Variants in NTM observed in about 807,000 individuals in gnomAD.
NTM encodes the protein neurotrimin.
Under a neutral mutation model 42.1 loss-of-function variants are expected in NTM, and 13 were observed. The observed-to-expected ratio is 0.31, with a 90% CI of 0.20 to 0.49. NTM has a LOEUF of 0.49. Among genes scored for constraint, NTM ranks in the 20% least tolerant of loss-of-function variants. NTM has a pLI of 0.99. For synonymous variants in NTM, 187 were observed against 179.2 expected (o/e 1.04, Z -0.35); for missense variants, 373 against 452.8 (o/e 0.82, Z 1.60).
chr11:132,024,620 A>G (rs151173131), intron 2 of NTM, among the ~76,000 whole-genome samples: 7 of 152,258 alleles, frequency 4.6e-5, no homozygotes, highest in African/African-American at 1.7e-4. Context: ...TATAGGGCAA[A>G]TGTGGGACTG....
At chr11:132,228,267 TC>T (rs1313928476) in intron 4 of NTM, among the ~76,000 whole-genome samples, 1 of 152,130 alleles carries the variant, frequency 6.6e-6, no homozygotes, top group African/African-American at 2.4e-5. Context: ...TCTGTGAACA[TC>T]CCTGCTGCCT....
chr11:132,331,835 G>A (rs941647068), intron 8 of NTM, among the ~76,000 whole-genome samples: 7 of 152,162 alleles, frequency 4.6e-5, no homozygotes, highest in Admixed American at 6.5e-5. Context: ...GACATATTTC[G>A]GACGGAGGGG....
chr11:131,743,225 G>T (rs1479064734), intron 1 of NTM, among the ~76,000 whole-genome samples: 2 of 147,760 alleles, frequency 1.4e-5, no homozygotes, highest in East Asian at 2.0e-4. Flanking sequence ...ACTGGTTATT[G>T]TTAATGGTTT....
intron 1 of NTM, chr11:131,910,921 C>T: frequency 2.0e-6 from 2 of 987,202 alleles, no homozygotes; most frequent in Non-Finnish European, 1.2e-6. Flanking sequence ...CTCCTCCGCG[C>T]GCCACCCCTG....
chr11:131,644,756 A>C (rs1251052981), intron 1 of NTM, among the ~76,000 whole-genome samples: 1 of 145,636 alleles, frequency 6.9e-6, no homozygotes, highest in Non-Finnish European at 1.5e-5. Flanking sequence ...ATTGAAAGAT[A>C]CATTTTTTTT....
chr11:132,269,845 C>T (rs1285781302), intron 4 of NTM, among the ~76,000 whole-genome samples: 1 of 152,208 alleles, frequency 6.6e-6, no homozygotes, highest in African/African-American at 2.4e-5. Flanking sequence ...TTTACTTCAT[C>T]AAGTGATTTG....
At chr11:132,053,351 G>A (rs556616119) in intron 2 of NTM, among the ~76,000 whole-genome samples, 1 of 152,306 alleles carries the variant, frequency 6.6e-6, no homozygotes, top group African/African-American at 2.4e-5. Context: ...GGACTTGTGA[G>A]GTCACCCATA....
At chr11:132,308,786 T>A (rs1043385508) in intron 5 of NTM, among the ~76,000 whole-genome samples, 2 of 152,210 alleles carry the variant, frequency 1.3e-5, no homozygotes, top group African/African-American at 2.4e-5. Context: ...GCTGTCATTT[T>A]AAAAATCATA....
At chr11:131,698,301 C>T (rs2075698250) in intron 1 of NTM, among the ~76,000 whole-genome samples, 1 of 152,172 alleles carries the variant, frequency 6.6e-6, no homozygotes, top group South Asian at 2.1e-4. Context: ...CCAGTGCTCA[C>T]ACACTCACTA....
chr11:131,440,586 G>C (rs570990925), intron 1 of NTM, among the ~76,000 whole-genome samples: 1 of 152,036 alleles, frequency 6.6e-6, no homozygotes, highest in South Asian at 2.1e-4. Flanking sequence ...TGTAGGTCTT[G>C]GATGGCCCCT....
chr11:132,145,862 C>T (rs1182064993), intron 2 of NTM, among the ~76,000 whole-genome samples: 2 of 152,092 alleles, frequency 1.3e-5, no homozygotes, highest in Non-Finnish European at 2.9e-5. Context: ...AGGCTTTTTC[C>T]AATAAAAGAT....
chr11:131,515,824 A>T (rs992074020), intron 1 of NTM, among the ~76,000 whole-genome samples: 1 of 152,174 alleles, frequency 6.6e-6, no homozygotes, highest in African/African-American at 2.4e-5. Context: ...CTTCCTGTGG[A>T]TGCCCAGCCT....
At chr11:131,999,879 T>A (rs1318922451) in intron 2 of NTM, among the ~76,000 whole-genome samples, 2 of 152,214 alleles carry the variant, frequency 1.3e-5, no homozygotes, top group East Asian at 1.9e-4. Context: ...GCTTTATACA[T>A]CTCTGGCTAT....
intron 1 of NTM, among the ~76,000 whole-genome samples, chr11:131,644,825 T>C (rs2065580206): frequency 6.6e-6 from 1 of 151,904 alleles, no homozygotes; most frequent in South Asian, 2.1e-4. Flanking sequence ...TGTTTTGTTT[T>C]CCTAAAAAAA....
chr11:132,116,272 G>A (rs918565942), intron 2 of NTM, among the ~76,000 whole-genome samples: 1 of 152,170 alleles, frequency 6.6e-6, no homozygotes, highest in East Asian at 1.9e-4. Flanking sequence ...CTGCTTTTAA[G>A]TAGGGGCCAG....
intron 4 of NTM, among the ~76,000 whole-genome samples, chr11:132,303,721 AAAAAAAAAAAC>A (rs1163796496): frequency 6.7e-6 from 1 of 149,456 alleles, no homozygotes; most frequent in Non-Finnish European, 1.5e-5. Context: ...ACAAAAAAAA[AAAAAAAAAAAC>A]AATCTGTGAA....
chr11:131,850,403 A>T (rs1425129083), intron 1 of NTM, among the ~76,000 whole-genome samples: 1 of 152,172 alleles, frequency 6.6e-6, no homozygotes, highest in East Asian at 1.9e-4. Flanking sequence ...CACTCTGATG[A>T]TACAGTGCTA....
At chr11:131,429,703 G>A (rs1430994113) in intron 1 of NTM, among the ~76,000 whole-genome samples, 1 of 152,080 alleles carries the variant, frequency 6.6e-6, no homozygotes, top group East Asian at 1.9e-4. Flanking sequence ...GCAAACAAAT[G>A]GTAAAGAATG....
chr11:131,999,378 C>A (rs2068737028), intron 2 of NTM, among the ~76,000 whole-genome samples: 1 of 152,128 alleles, frequency 6.6e-6, no homozygotes. Flanking sequence ...TTGAGCAATG[C>A]CCGACTGATG....
Sources: gnomAD v4.1 joint callset for allele counts (sites outside exome capture counted in the v4.1 genomes callset) on GRCh38, gnomAD v4.1.1 for gene constraint, MANE v1.5 for transcripts, NCBI Gene and HGNC (gene_info 2026-07-23, HGNC 2026-07-21) for gene names.